SLC25A26: variants seen among roughly 807,000 people sequenced by gnomAD.
The protein encoded by SLC25A26 is solute carrier family 25 member 26.
Under a neutral mutation model 37.8 loss-of-function variants are expected in SLC25A26, and 36 were observed. The observed-to-expected ratio is 0.95, with a 90% CI of 0.73 to 1.26. The LOEUF (loss-of-function observed/expected upper bound fraction) is 1.26, where lower values mean the gene tolerates loss of function less well. SLC25A26 is among the 50% of genes most tolerant of loss of function. SLC25A26 has a pLI of 0.00. For synonymous variants in SLC25A26, 129 were observed against 122.5 expected, an observed-to-expected ratio of 1.05 and a Z score of -0.35; for missense variants, 390 against 331.1, an observed-to-expected ratio of 1.18 and a Z score of -1.38.
intron 5 of SLC25A26, among the ~76,000 whole-genome samples, chr3:66,340,681 CCT>C (rs2076189757): frequency 6.6e-6 from 1 of 151,938 alleles, no homozygotes. Context: ...TGAACACTCT[CCT>C]CTGTTTCATT....
chr3:66,291,315 T>C (rs79586878), intron 5 of SLC25A26, among the ~76,000 whole-genome samples: 1 of 152,022 alleles, frequency 6.6e-6, no homozygotes, highest in Admixed American at 6.6e-5. Context: ...TTCTCCTTCA[T>C]TTCTGCTCGT....
intron 1 of SLC25A26, among the ~76,000 whole-genome samples, chr3:66,175,518 C>A (rs1168885366): frequency 6.6e-6 from 1 of 152,166 alleles, no homozygotes; most frequent in Non-Finnish European, 1.5e-5. Context: ...AGCCACCACA[C>A]CCAGCTATAA....
intron 1 of SLC25A26, among the ~76,000 whole-genome samples, chr3:66,153,018 G>T (rs1182307247): frequency 6.6e-6 from 1 of 152,164 alleles, no homozygotes; most frequent in African/African-American, 2.4e-5. Context: ...ACCCTTGAGG[G>T]TTTCTAATGT....
At chr3:66,363,689 A>T (rs1439869377) in intron 7 of SLC25A26, among the ~76,000 whole-genome samples, 1 of 152,218 alleles carries the variant, frequency 6.6e-6, no homozygotes, top group Non-Finnish European at 1.5e-5. Context: ...TTTAGTTGAG[A>T]TGTGAAGCCA....
intron 1 of SLC25A26, among the ~76,000 whole-genome samples, chr3:66,144,029 G>T (rs2070077682): frequency 6.6e-6 from 1 of 152,184 alleles, no homozygotes; most frequent in Admixed American, 6.5e-5. Context: ...AGTAATTTCA[G>T]ATGTTAATCA....
intron 1 of SLC25A26, among the ~76,000 whole-genome samples, chr3:66,157,630 A>G (rs146059220): frequency 0.016 from 2,460 of 152,318 alleles, 30 homozygotes; most frequent in Non-Finnish European, 0.025. Flanking sequence ...TTTCTTATCA[A>G]TAATGCCTTT....
At chr3:66,191,865 C>T (rs2070948401) in intron 1 of SLC25A26, among the ~76,000 whole-genome samples, 1 of 151,746 alleles carries the variant, frequency 6.6e-6, no homozygotes, top group African/African-American at 2.4e-5. Flanking sequence ...CAAGATTGTG[C>T]TACTGCACTC....
intron 1 of SLC25A26, among the ~76,000 whole-genome samples, chr3:66,195,325 A>G (rs1333667546): frequency 5.3e-5 from 8 of 152,234 alleles, no homozygotes; most frequent in African/African-American, 1.7e-4. Flanking sequence ...ACTATTGAGC[A>G]TGCACAGACT....
intron 5 of SLC25A26, among the ~76,000 whole-genome samples, chr3:66,269,681 G>A (rs887014696): frequency 3.9e-5 from 6 of 151,966 alleles, no homozygotes; most frequent in East Asian, 1.9e-4. Flanking sequence ...TGTCCTTAAG[G>A]CTCTATATAC....
In SLC25A26 at chr3:66,253,240, T is replaced by TA. The variant is rs368393312; in HGVS notation, c.301-8801dup. Among the ~76,000 whole-genome samples, 893 of 143,120 alleles carry TA rather than the reference T, an allele frequency of 6.2e-3. 13 individuals are homozygous for TA. Among genetic ancestry groups the TA allele is most frequent in the African/African-American group, 0.015 (603 of 38,964 alleles). The allele number at this position is 143,120 out of a possible 152,430, so 93.9% of individuals were successfully genotyped here. On this transcript the variant is annotated intron_variant, in intron 3 of 9. Coordinates refer to ENST00000354883, the MANE Select transcript of SLC25A26 (RefSeq NM_001379210.1). Reference sequence around the variant, plus strand: ...GGCTAACACGGTGAAAGCTTGTCTCTAAAAAAAAAAGCAAAAAAAAGTTAG... The same window carrying TA: ...GGCTAACACGGTGAAAGCTTGTCTCTAAAAAAAAAAAGCAAAAAAAAGTTAG...
intron 1 of SLC25A26, among the ~76,000 whole-genome samples, chr3:66,173,487 T>A (rs769205475): frequency 2.6e-5 from 4 of 152,332 alleles, no homozygotes; most frequent in Non-Finnish European, 5.9e-5. Context: ...CGGGAGTGGA[T>A]GTTTAAGCTT....
chr3:66,281,479 G>A (rs2074335420), intron 5 of SLC25A26, among the ~76,000 whole-genome samples: 1 of 152,066 alleles, frequency 6.6e-6, no homozygotes. Context: ...ATTTTTCTAT[G>A]AATTTGTTAG....
intron 5 of SLC25A26, among the ~76,000 whole-genome samples, chr3:66,289,639 C>T (rs537444556): frequency 6.8e-4 from 103 of 152,106 alleles, no homozygotes; most frequent in African/African-American, 2.3e-3. Context: ...AGATGTGTGG[C>T]GTTATTTCTG....
At chr3:66,216,048 G>T (rs1383824991), upstream of SLC25A26, among the ~76,000 whole-genome samples, 1 of 152,172 alleles carries the variant, frequency 6.6e-6, no homozygotes, top group African/African-American at 2.4e-5. Flanking sequence ...AAGGCTGATT[G>T]AATACTTTGT....
chr3:66,214,832 A>G (rs1479606434), intron 1 of SLC25A26, among the ~76,000 whole-genome samples: 1 of 152,210 alleles, frequency 6.6e-6, no homozygotes, highest in Non-Finnish European at 1.5e-5. Context: ...CAAGAATAGA[A>G]AAATGTTTAC....
chr3:66,200,084 A>G (rs2106811053), intron 1 of SLC25A26, among the ~76,000 whole-genome samples: 1 of 152,376 alleles, frequency 6.6e-6, no homozygotes, highest in East Asian at 1.9e-4. Flanking sequence ...ATTCATGTTA[A>G]TATGATCTAT....
At chr3:66,177,048 CA>C (rs1222519785) in intron 1 of SLC25A26, among the ~76,000 whole-genome samples, 1 of 152,176 alleles carries the variant, frequency 6.6e-6, no homozygotes, top group Admixed American at 6.5e-5. Flanking sequence ...CACACTTAGG[CA>C]AAAGTGAGAT....
chr3:66,318,165 A>T (rs1188841965), intron 5 of SLC25A26, among the ~76,000 whole-genome samples: 1 of 152,136 alleles, frequency 6.6e-6, no homozygotes, highest in East Asian at 1.9e-4. Flanking sequence ...GAGTGGACAG[A>T]TGTCCTGCCT....
chr3:66,333,126 A>G (rs1347672388), intron 5 of SLC25A26, among the ~76,000 whole-genome samples: 1 of 152,104 alleles, frequency 6.6e-6, no homozygotes, highest in Non-Finnish European at 1.5e-5. Flanking sequence ...TTTCTTACAG[A>G]GTCAGGAATT....
Sources: allele counts gnomAD v4.1 joint callset (sites outside exome capture counted in the v4.1 genomes callset), GRCh38; gene constraint gnomAD v4.1.1; transcripts MANE v1.5; gene names NCBI Gene and HGNC (gene_info 2026-07-23, HGNC 2026-07-21).